Variants in RNF138 observed in about 807,000 individuals in gnomAD.
The protein encoded by RNF138 is ring finger protein 138.
RNF138 carries 12 observed loss-of-function variants against 31.0 expected under a neutral mutation model. The observed-to-expected ratio is 0.39, with a 90% CI of 0.25 to 0.63. The LOEUF (loss-of-function observed/expected upper bound fraction) is 0.63, where lower values mean the gene tolerates loss of function less well. RNF138 is among the 20% of genes least tolerant of loss of function. The pLI is 0.52. For missense variants in RNF138, 192 were observed against 300.1 expected, an observed-to-expected ratio of 0.64 and a Z score of 2.66; for synonymous variants, 105 against 99.5, an observed-to-expected ratio of 1.06 and a Z score of -0.33.
At chr18:32,118,453 G>C (rs2040251073) in intron 4 of RNF138, among the ~76,000 whole-genome samples, 1 of 151,900 alleles carries the variant, frequency 6.6e-6, no homozygotes. Context: ...AGAATTTCTT[G>C]AACCCAGGAG....
At chr18:32,123,107 T>G (rs1426647435) in intron 4 of RNF138, among the ~76,000 whole-genome samples, 2 of 152,198 alleles carry the variant, frequency 1.3e-5, no homozygotes, top group Non-Finnish European at 2.9e-5. Flanking sequence ...GGGCATAACC[T>G]TATACCATGT....
At chr18:32,124,445 C>T (rs375038122) in intron 5 of RNF138, 1 of 255,770 alleles carries the variant, frequency 3.9e-6, no homozygotes, top group African/African-American at 2.2e-5. Context: ...TAAGTTTGGA[C>T]CTAACTACAT....
chr18:32,115,777 GCACA>G (rs1012209324), intron 4 of RNF138, among the ~76,000 whole-genome samples: 2 of 151,822 alleles, frequency 1.3e-5, no homozygotes, highest in African/African-American at 4.8e-5. Flanking sequence ...ACGCACGCAC[GCACA>G]CACACACTTC....
chr18:32,100,198 T>TGA (rs909698916), intron 2 of RNF138, among the ~76,000 whole-genome samples: 4 of 139,962 alleles, frequency 2.9e-5, no homozygotes, highest in South Asian at 4.3e-4. Context: ...TGTTAGTGAT[T>TGA]GAGATATATA....
At chr18:32,106,568 A>ATTTATTTATTTG (rs1372065627) in intron 2 of RNF138, among the ~76,000 whole-genome samples, 2 of 150,964 alleles carry the variant, frequency 1.3e-5, no homozygotes, top group Non-Finnish European at 2.9e-5. Flanking sequence ...TTATTTATTT[A>ATTTATTTATTTG]TTTATTTGTT....
chr18:32,107,121 T>TG (rs1467221217), intron 2 of RNF138, among the ~76,000 whole-genome samples: 1 of 135,338 alleles, frequency 7.4e-6, no homozygotes, highest in Admixed American at 7.3e-5. Context: ...TTTTCCTTTT[T>TG]TTTTTTTTTT....
chr18:32,093,393 C>T (rs62093949), intron 2 of RNF138, among the ~76,000 whole-genome samples: 54,297 of 152,032 alleles, frequency 0.36, 11,652 homozygotes, highest in Admixed American at 0.52. Flanking sequence ...AACCTTGGTC[C>T]GTCCCCTCGG....
At chr18:32,115,292 G>C (rs2040196570) in intron 4 of RNF138, among the ~76,000 whole-genome samples, 1 of 152,068 alleles carries the variant, frequency 6.6e-6, no homozygotes, top group Admixed American at 6.6e-5. Flanking sequence ...ATTCCTAATA[G>C]CAATATTCCT....
chr18:32,122,841 C>A (rs533340087), intron 4 of RNF138, among the ~76,000 whole-genome samples: 39 of 152,182 alleles, frequency 2.6e-4, no homozygotes, highest in East Asian at 1.4e-3. Context: ...AACTAACTAA[C>A]TAAATAAATA....
chr18:32,107,918 G>A (rs186762382), intron 2 of RNF138, among the ~76,000 whole-genome samples: 31 of 152,030 alleles, frequency 2.0e-4, no homozygotes, highest in Admixed American at 1.8e-3. Context: ...ATTGGGGCGC[G>A]ATCTCGGCTC....
chr18:32,098,775 C>T (rs1040565797), intron 2 of RNF138, among the ~76,000 whole-genome samples: 1 of 151,628 alleles, frequency 6.6e-6, no homozygotes, highest in African/African-American at 2.4e-5. Context: ...ATGGCATGAA[C>T]CCGGGAGGTG....
At chr18:32,097,976 GTTATTTT>G (rs1568224388) in intron 2 of RNF138, among the ~76,000 whole-genome samples, 4 of 29,672 alleles carry the variant, frequency 1.3e-4, no homozygotes, top group Admixed American at 4.1e-4. Context: ...GTGTGTGTGT[GTTATTTT>G]TGTTTGTTTG....
At chr18:32,112,996 G>A (rs535814114) in intron 3 of RNF138, among the ~76,000 whole-genome samples, 29 of 152,248 alleles carry the variant, frequency 1.9e-4, no homozygotes, top group Non-Finnish European at 3.7e-4. Context: ...GGGCAATGAC[G>A]TGAAGCTGGA....
intron 3 of RNF138, 120 bp downstream of exon 3, chr18:32,112,039 G>A: frequency 1.2e-6 from 1 of 820,084 alleles, no homozygotes; most frequent in Non-Finnish European, 1.8e-6. Flanking sequence ...ATTTAGACTG[G>A]GAATTGGATA....
intron 2 of RNF138, among the ~76,000 whole-genome samples, chr18:32,108,818 A>G (rs966369825): frequency 6.6e-6 from 1 of 151,890 alleles, no homozygotes; most frequent in East Asian, 1.9e-4. Context: ...ACAGGCATGC[A>G]CCACCGTGCC....
At chr18:32,108,599 T>TG (rs1242820483) in intron 2 of RNF138, among the ~76,000 whole-genome samples, 2 of 152,178 alleles carry the variant, frequency 1.3e-5, no homozygotes, top group Non-Finnish European at 2.9e-5. Flanking sequence ...GTTTTCAGTT[T>TG]GGGGCTATTA....
chr18:32,121,953 C>T (rs994962928), intron 4 of RNF138, among the ~76,000 whole-genome samples: 3 of 152,094 alleles, frequency 2.0e-5, no homozygotes, highest in African/African-American at 7.3e-5. Flanking sequence ...ACTGCAACCT[C>T]CGCCTTCCGG....
Position 32,129,343 on chromosome 18 carries a change from ACTT to A in RNF138, c.*158_*160del, listed in dbSNP as rs1277023762. On this transcript the variant is annotated 3_prime_UTR_variant, in exon 8 of 8. Coordinates refer to ENST00000261593, the MANE Select transcript of RNF138 (RefSeq NM_016271.5). Reference sequence around the variant, plus strand: ...GAAAATAAAGGTAGGGCTTCTAAAAACTTCATCATCTTGATAAGTTAAAAAATG... The same window carrying A: ...GAAAATAAAGGTAGGGCTTCTAAAAACATCATCTTGATAAGTTAAAAAATG... The A allele has an allele frequency of 7.4e-6, 4 of 541,106 alleles. No individual in the cohort carries two copies. Among genetic ancestry groups the A allele is most frequent in the South Asian group, 2.8e-5 (1 of 35,520 alleles). The allele number at this position is 541,106 out of a possible 1,614,324, so 33.5% of individuals were successfully genotyped here.
intron 2 of RNF138, among the ~76,000 whole-genome samples, chr18:32,099,732 G>A (rs1167845411): frequency 6.6e-6 from 1 of 152,170 alleles, no homozygotes; most frequent in African/African-American, 2.4e-5. Flanking sequence ...ATCACAGTTT[G>A]TAATCATAAC....
Sources: gnomAD v4.1 joint callset for allele counts (sites outside exome capture counted in the v4.1 genomes callset) on GRCh38, gnomAD v4.1.1 for gene constraint, MANE v1.5 for transcripts, NCBI Gene and HGNC (gene_info 2026-07-23, HGNC 2026-07-21) for gene names.